The following HIVEP3 variants were observed in gnomAD, a reference collection of about 807,000 sequenced individuals.
HIVEP3 encodes transcription factor HIVEP3.
A neutral mutation model predicts 152.8 loss-of-function variants in HIVEP3; 49 were observed. The ratio of observed to expected loss-of-function variants is 0.32; its 90% CI spans 0.26 to 0.41. The LOEUF (loss-of-function observed/expected upper bound fraction) is 0.41. Among genes scored for constraint, HIVEP3 ranks in the 10% least tolerant of loss-of-function variants. HIVEP3 has a pLI of 1.00. For synonymous variants in HIVEP3, 1,269 were observed against 1,289.0 expected (o/e 0.98, Z 0.33); for missense variants, 2,790 against 3,103.3 (o/e 0.90, Z 2.40).
chr1:41,988,702 C>T (rs1382852258), intron 1 of HIVEP3, among the ~76,000 whole-genome samples: 1 of 152,178 alleles, frequency 6.6e-6, no homozygotes, highest in African/African-American at 2.4e-5. Context: ...GGTCCAACAA[C>T]TCCACTTGCA....
chr1:41,589,395 A>G (rs72669062), intron 3 of HIVEP3, among the ~76,000 whole-genome samples: 1 of 152,368 alleles, frequency 6.6e-6, no homozygotes, highest in Non-Finnish European at 1.5e-5. Flanking sequence ...GAGCAGCCCA[A>G]TAGGAAGGAG....
At chr1:41,748,031 G>A (rs746055482) in intron 1 of HIVEP3, among the ~76,000 whole-genome samples, 2 of 152,222 alleles carry the variant, frequency 1.3e-5, no homozygotes, top group Non-Finnish European at 2.9e-5. Flanking sequence ...CCCCATTCTT[G>A]AGTTAAGGCC....
At position 41,584,734 on chromosome 1, in the gene HIVEP3, T is replaced by C. The variant is rs1644478874; in HGVS notation, c.64A>G (p.Thr22Ala). The C allele has an allele frequency of 6.5e-7, 1 of 1,527,616 alleles. No individual in the cohort carries two copies. Among genetic ancestry groups the C allele is most frequent in the Admixed American group, 2.2e-5 (1 of 45,578 alleles). The allele number at this position is 1,527,616 out of a possible 1,614,324, so 94.6% of individuals were successfully genotyped here. ...CTGGTCTGAATGGCCTCTCCTTTGG[T>C]CAGCCGCTTCCGGGGACTTCCCTCA... The part of the protein sequence containing the change: ...KAEGSPRKRL[T>A]KGEAIQTSVS... Residue 22 changes from threonine (T) to alanine (A), a missense_variant, in exon 4 of 9, where the codon ACC (threonine) becomes GCC (alanine). Physicochemically the swap from Thr to Ala is moderately conservative, Grantham distance 58. Coordinates refer to ENST00000372583, the MANE Select transcript of HIVEP3 (RefSeq NM_024503.5). The surrounding 1 kb of genome is among the most constrained non-coding windows in gnomAD (Gnocchi z 5.2).
intron 5 of HIVEP3, among the ~76,000 whole-genome samples, chr1:41,534,843 G>C (rs1179871331): frequency 6.6e-6 from 1 of 152,174 alleles, no homozygotes; most frequent in Non-Finnish European, 1.5e-5. Context: ...GGGCGCATAC[G>C]CTGCCCACCT....
chr1:41,869,353 C>G (rs1644037484), intron 1 of HIVEP3, among the ~76,000 whole-genome samples: 1 of 152,180 alleles, frequency 6.6e-6, no homozygotes. Context: ...CTAAAGGTGA[C>G]TGCCTTCCTT....
chr1:41,716,945 C>G (rs979673170), intron 1 of HIVEP3, among the ~76,000 whole-genome samples: 4 of 152,260 alleles, frequency 2.6e-5, no homozygotes, highest in African/African-American at 9.6e-5. Flanking sequence ...AGGCCTCAAG[C>G]TGCACGCACG....
upstream of HIVEP3, among the ~76,000 whole-genome samples, chr1:41,920,254 G>A (rs550836538): frequency 2.7e-4 from 41 of 152,250 alleles, no homozygotes; most frequent in African/African-American, 9.6e-4. Context: ...GCCACACAGC[G>A]TGGAGCTGGC....
chr1:41,815,433 C>T (rs1344526958), intron 1 of HIVEP3, among the ~76,000 whole-genome samples: 9 of 151,894 alleles, frequency 5.9e-5, no homozygotes, highest in South Asian at 2.1e-4. Context: ...ATCACACCAC[C>T]GCACTCCAGC....
intron 2 of HIVEP3, among the ~76,000 whole-genome samples, chr1:41,636,605 A>G (rs1467138757): frequency 1.3e-5 from 2 of 152,246 alleles, no homozygotes; most frequent in Non-Finnish European, 2.9e-5. Context: ...AAGCATCCAC[A>G]AAACAGTAAG....
intron 1 of HIVEP3, among the ~76,000 whole-genome samples, chr1:41,833,216 C>G (rs556378609): frequency 3.3e-5 from 5 of 152,338 alleles, no homozygotes; most frequent in African/African-American, 9.6e-5. Flanking sequence ...GGAACAGTGG[C>G]TCTAAAAGTG....
intron 1 of HIVEP3, among the ~76,000 whole-genome samples, chr1:41,992,201 G>A (rs1645366160): frequency 6.6e-6 from 1 of 151,530 alleles, no homozygotes; most frequent in Non-Finnish European, 1.5e-5. Context: ...AAAAGAGGAA[G>A]TCAAATTGTC....
chr1:41,660,216 G>A (rs1645692937), intron 2 of HIVEP3, among the ~76,000 whole-genome samples: 1 of 152,148 alleles, frequency 6.6e-6, no homozygotes, highest in South Asian at 2.1e-4. Flanking sequence ...AGAGATGACT[G>A]TGGTACCATT....
At chr1:41,741,789 A>G (rs1205495830) in intron 1 of HIVEP3, among the ~76,000 whole-genome samples, 1 of 152,126 alleles carries the variant, frequency 6.6e-6, no homozygotes, top group Non-Finnish European at 1.5e-5. Context: ...TGCTTCACCT[A>G]TTGGAGCAGC....
At chr1:41,525,900 C>A (rs746477180) in intron 5 of HIVEP3, among the ~76,000 whole-genome samples, 1 of 152,090 alleles carries the variant, frequency 6.6e-6, no homozygotes, top group Non-Finnish European at 1.5e-5. Context: ...AGGAGAAGAG[C>A]CTTCTGACTC....
chr1:41,944,533 T>G (rs190256034), intron 1 of HIVEP3, among the ~76,000 whole-genome samples: 1 of 152,098 alleles, frequency 6.6e-6, no homozygotes, highest in East Asian at 1.9e-4. Context: ...GGCAGCTGGG[T>G]TGCTATGAAA....
intron 3 of HIVEP3, among the ~76,000 whole-genome samples, chr1:41,587,896 C>T (rs535872643): frequency 3.9e-5 from 6 of 152,278 alleles, no homozygotes; most frequent in East Asian, 3.9e-4. Context: ...ATGGAAGCAC[C>T]GGCATGGCCC....
At chr1:41,929,566 G>T (rs940155459) in intron 1 of HIVEP3, among the ~76,000 whole-genome samples, 10 of 151,712 alleles carry the variant, frequency 6.6e-5, no homozygotes, top group Non-Finnish European at 1.5e-4. Context: ...AACCTGATGT[G>T]CTCACTGCTA....
chr1:41,882,469 T>C (rs1417429820), intron 1 of HIVEP3, among the ~76,000 whole-genome samples: 1 of 152,182 alleles, frequency 6.6e-6, no homozygotes, highest in Non-Finnish European at 1.5e-5. Context: ...ATCTCTCCTC[T>C]AGGTAGACCT....
In HIVEP3 at chr1:41,512,819, C is replaced by A; in HGVS notation, c.6402G>T (p.Pro2134=). The A allele has an allele frequency of 6.7e-7, 1 of 1,491,098 alleles. No individual in the cohort carries two copies. The highest frequency in any genetic ancestry group is 1.4e-5 in the South Asian group (1 of 73,850). 92.4% of individuals were successfully genotyped at this position (1,491,098 alleles called of 1,614,324 possible). A position where few individuals can be genotyped will look rare whatever the true frequency, so the allele number is the denominator to read the frequency against. ...LSRSPETCAS[P]WQKAESRSPS... is the part of the protein sequence containing the mutation. ...GCCACCAGGGGCAGGAACTCACCCA[C>A]GGGGAGGCGCAGGTCTCTGGGCTTC... Residue 2134 remains proline (P), a synonymous_variant, in exon 8 of 9, where the codon CCG becomes CCT. Transcript: ENST00000372583.
Sources: gnomAD v4.1 joint callset for allele counts (sites outside exome capture counted in the v4.1 genomes callset) on GRCh38, gnomAD v4.1.1 for gene constraint, Gnocchi (gnomAD v3.1) non-coding constraint, MANE v1.5 for transcripts, NCBI Gene and HGNC (gene_info 2026-07-23, HGNC 2026-07-21) for gene names.